The following MEI4 variants were observed in gnomAD, a reference collection of about 807,000 sequenced individuals.
MEI4 encodes the protein meiotic double-stranded break formation protein 4.
Under a neutral mutation model 31.4 loss-of-function variants are expected in MEI4, and 27 were observed. The ratio of observed to expected loss-of-function variants is 0.86; its 90% CI spans 0.63 to 1.19. The LOEUF (loss-of-function observed/expected upper bound fraction) is 1.19, where lower values mean the gene tolerates loss of function less well. Among genes scored for constraint, MEI4 ranks in the 50% most tolerant of loss-of-function variants. MEI4 has a pLI of 0.00. For missense variants in MEI4, 329 were observed against 398.9 expected (o/e 0.82, Z 1.49); for synonymous variants, 122 against 145.4 (o/e 0.84, Z 1.16).
intron 1 of MEI4, among the ~76,000 whole-genome samples, chr6:77,653,351 G>A (rs1255400480): frequency 1.3e-5 from 2 of 152,152 alleles, no homozygotes; most frequent in African/African-American, 4.8e-5. Flanking sequence ...TCCTTTGGAG[G>A]AACCACAGTG....
At chr6:77,745,728 C>T (rs529176119) in intron 2 of MEI4, among the ~76,000 whole-genome samples, 1 of 152,098 alleles carries the variant, frequency 6.6e-6, no homozygotes, top group Non-Finnish European at 1.5e-5. Flanking sequence ...AAGTAAAGCA[C>T]TCCTCAGCAA....
At chr6:77,657,596 T>C (rs150777221) in intron 1 of MEI4, among the ~76,000 whole-genome samples, 2 of 143,746 alleles carry the variant, frequency 1.4e-5, no homozygotes, top group African/African-American at 5.6e-5. Context: ...AAAACACCAC[T>C]TGGATTTTTT....
chr6:77,787,516 C>A (rs1284915470), intron 3 of MEI4, among the ~76,000 whole-genome samples: 1 of 152,146 alleles, frequency 6.6e-6, no homozygotes, highest in African/African-American at 2.4e-5. Context: ...AGAGTGCAAT[C>A]CCAGGTGCAA....
chr6:77,673,085 C>T (rs894981312), intron 1 of MEI4, among the ~76,000 whole-genome samples: 18 of 152,224 alleles, frequency 1.2e-4, no homozygotes, highest in African/African-American at 3.9e-4. Flanking sequence ...TCTAGTTACA[C>T]AGGATCTGCA....
intron 4 of MEI4, among the ~76,000 whole-genome samples, chr6:77,882,671 G>A (rs938147540): frequency 2.0e-5 from 3 of 152,114 alleles, no homozygotes; most frequent in African/African-American, 4.8e-5. Flanking sequence ...AGACTACTTT[G>A]TGTAGTCTAC....
At chr6:77,813,971 T>C (rs1769632276) in intron 3 of MEI4, among the ~76,000 whole-genome samples, 1 of 152,072 alleles carries the variant, frequency 6.6e-6, no homozygotes, top group South Asian at 2.1e-4. Context: ...TCTCTTTCCT[T>C]TGGGATTTTT....
chr6:77,691,725 T>C (rs1769160686), intron 2 of MEI4, among the ~76,000 whole-genome samples: 1 of 151,990 alleles, frequency 6.6e-6, no homozygotes, highest in Non-Finnish European at 1.5e-5. Flanking sequence ...ATGTAATTTA[T>C]GGTTTCTACT....
At chr6:77,765,176 A>G (rs1294853316) in intron 3 of MEI4, among the ~76,000 whole-genome samples, 2 of 152,198 alleles carry the variant, frequency 1.3e-5, no homozygotes, top group African/African-American at 4.8e-5. Flanking sequence ...CGGGCTAAAT[A>G]CTAAGCATAA....
chr6:77,871,057 T>C (rs1389335240), intron 4 of MEI4, among the ~76,000 whole-genome samples: 1 of 152,202 alleles, frequency 6.6e-6, no homozygotes, highest in African/African-American at 2.4e-5. Flanking sequence ...GCACCATGAA[T>C]TGGATTCCTT....
intron 4 of MEI4, among the ~76,000 whole-genome samples, chr6:77,870,785 A>G (rs9448238): frequency 0.022 from 3,332 of 152,282 alleles, 125 homozygotes; most frequent in African/African-American, 0.077. Context: ...GAAGTTTCCA[A>G]AAGAAGCTTG....
At chr6:77,895,804 C>T (rs148893701) in intron 4 of MEI4, among the ~76,000 whole-genome samples, 1 of 152,062 alleles carries the variant, frequency 6.6e-6, no homozygotes, top group Non-Finnish European at 1.5e-5. Context: ...CAGACAGACA[C>T]GTAAAGTTTT....
intron 4 of MEI4, among the ~76,000 whole-genome samples, chr6:77,838,871 C>G (rs1166673824): frequency 6.6e-6 from 1 of 151,192 alleles, no homozygotes; most frequent in African/African-American, 2.4e-5. Context: ...CCATTGCACT[C>G]CAACCTGGGC....
At chr6:77,719,156 T>G (rs866016246) in intron 2 of MEI4, among the ~76,000 whole-genome samples, 2 of 142,916 alleles carry the variant, frequency 1.4e-5, no homozygotes, top group Non-Finnish European at 3.1e-5. Context: ...GAATTGACCT[T>G]GAGGTGTCCA....
At position 77,894,118 on chromosome 6, in the gene MEI4, C is replaced by T. The variant is rs148579631; in HGVS notation, c.901-28971C>T. Among the ~76,000 whole-genome samples, 550 of 152,176 alleles carry T rather than the reference C, an allele frequency of 3.6e-3. 2 individuals carry two copies. Among genetic ancestry groups the T allele is most frequent in the Non-Finnish European group, 6.8e-3 (464 of 68,002 alleles). ...GTATTTTATGAATTGTAGTTAGAAG[C>T]AGACTTATTGAATGGTTTATATATT... On this transcript the variant is annotated intron_variant, in intron 4 of 4. Transcript: ENST00000684080.
intron 4 of MEI4, among the ~76,000 whole-genome samples, chr6:77,903,613 T>G (rs1766230406): frequency 6.6e-6 from 1 of 152,076 alleles, no homozygotes; most frequent in Non-Finnish European, 1.5e-5. Context: ...GTCTTGTACT[T>G]GGTCTTAGAG....
In MEI4 at chr6:77,727,152, G is replaced by A. The variant is rs1003058442; in HGVS notation, c.233-33978G>A. On this transcript the variant is annotated intron_variant, in intron 2 of 4. Coordinates refer to ENST00000684080, the MANE Select transcript of MEI4 (RefSeq NM_001322247.2). ...GAGTGGTGATTCTGGACCCTCCAGG[G>A]TTAGTGAAGGTCAGAACAGAGTCCA... 3.9e-5 allele frequency among the ~76,000 whole-genome samples: 6 copies of A among 152,140 alleles called. No individual in the cohort carries two copies. The South Asian group carries it at 8.3e-4, about 21-fold the overall frequency.
intron 4 of MEI4, among the ~76,000 whole-genome samples, chr6:77,875,408 C>T (rs555903584): frequency 1.3e-5 from 2 of 152,268 alleles, no homozygotes; most frequent in African/African-American, 4.8e-5. Context: ...ATGAATAGGT[C>T]ACTATGTGAT....
intron 2 of MEI4, among the ~76,000 whole-genome samples, chr6:77,741,662 A>G (rs571256714): frequency 8.6e-5 from 13 of 151,974 alleles, no homozygotes; most frequent in African/African-American, 3.1e-4. Context: ...GTACATGTGC[A>G]CAATGTGCAG....
intron 4 of MEI4, among the ~76,000 whole-genome samples, chr6:77,922,172 A>G (rs1766718225): frequency 6.6e-6 from 1 of 151,756 alleles, no homozygotes; most frequent in Non-Finnish European, 1.5e-5. Context: ...CAACTCTAAA[A>G]GAATGTTCTT....
Sources: allele counts gnomAD v4.1 joint callset (sites outside exome capture counted in the v4.1 genomes callset), GRCh38; gene constraint gnomAD v4.1.1; transcripts MANE v1.5; gene names NCBI Gene and HGNC (gene_info 2026-07-23, HGNC 2026-07-21).